Variants in LIFR observed in about 807,000 individuals in gnomAD.
The protein encoded by LIFR is LIF receptor subunit alpha, also known as leukemia inhibitory factor receptor.
In LIFR, 84 loss-of-function variants were observed where a neutral mutation model predicts 122.2. The ratio of observed to expected loss-of-function variants is 0.69; its 90% CI spans 0.58 to 0.82. The LOEUF (loss-of-function observed/expected upper bound fraction) is 0.82, where lower values mean the gene tolerates loss of function less well. LIFR is among the 40% of genes least tolerant of loss of function. The probability of loss-of-function intolerance (pLI) is 0.00; values close to 1 mark genes in which losing one functional copy is unlikely to be tolerated. For missense variants in LIFR, 1,294 were observed against 1,311.6 expected (o/e 0.99, Z 0.21); for synonymous variants, 422 against 434.7 (o/e 0.97, Z 0.36).
rs2112472053 is a variant in LIFR at position 38,506,084 on chromosome 5, A to G, written c.1122-10T>C. 6.4e-7 allele frequency: 1 copy of G among 1,563,300 alleles called. No individual in the cohort carries two copies. The highest frequency in any genetic ancestry group is 2.2e-5 in the East Asian group (1 of 44,460). Reference sequence around the variant, plus strand: ...ATATTTTCCTGAAAAACTGTTAATTAACAGAAAAATAATTTCAAAATGGCA... The same window carrying G: ...ATATTTTCCTGAAAAACTGTTAATTGACAGAAAAATAATTTCAAAATGGCA... On this transcript the variant is annotated splice_polypyrimidine_tract_variant and intron_variant, in intron 8 of 19. Transcript: ENST00000453190.
At chr5:38,532,338 T>C (rs1240263772) in intron 1 of LIFR, among the ~76,000 whole-genome samples, 1 of 152,152 alleles carries the variant, frequency 6.6e-6, no homozygotes, top group Non-Finnish European at 1.5e-5. Flanking sequence ...TGGCTGAGGG[T>C]AAATCACTTA....
In LIFR at chr5:38,504,361, G is replaced by A. The variant is rs547576576; in HGVS notation, c.1292-240C>T. 2.2e-5 allele frequency among the ~76,000 whole-genome samples: 3 copies of A among 134,796 alleles called. No homozygotes were observed. The East Asian group carries it at 6.8e-4, about 31-fold the overall frequency. 88.4% of individuals were successfully genotyped at this position (134,796 alleles called of 152,430 possible). A position where few individuals can be genotyped will look rare whatever the true frequency, so the allele number is the denominator to read the frequency against. Reference sequence around the variant, plus strand: ...TTAGTGTCAGGAATACTCAAAGGTAGTTAAGATCACAGTATCTACCTTTAA... The same window carrying A: ...TTAGTGTCAGGAATACTCAAAGGTAATTAAGATCACAGTATCTACCTTTAA... On this transcript the variant is annotated intron_variant, in intron 9 of 19. Coordinates refer to ENST00000453190, the MANE Select transcript of LIFR (RefSeq NM_001127671.2).
Position 38,505,981 on chromosome 5 carries a change from T to C in LIFR, c.1215A>G (p.Ile405Met), listed in dbSNP as rs1745455298. The change falls in exon 9 of 20, where the codon ATA (isoleucine) becomes ATG (methionine). Residue 405 changes from isoleucine (I) to methionine (M), a missense_variant. By Grantham distance (10) the Ile-to-Met change is conservative (BLOSUM62 1). Coordinates refer to ENST00000453190, the MANE Select transcript of LIFR (RefSeq NM_001127671.2). The stretch of plus-strand genomic sequence containing the variant: ...TGTGAGCATTCAAAGTAAAATTATA[T>C]ATTTCTTGATTTGGAAGCATTTGAA... ...LLFQMLPNQE[I>M]YNFTLNAHNP... 1 of 1,609,460 alleles carries C rather than the reference T, an allele frequency of 6.2e-7. No individual in the cohort carries two copies. The highest frequency in any genetic ancestry group is 8.5e-7 in the Non-Finnish European group (1 of 1,176,706).
rs1745752434 is a variant in LIFR, at chr5:38,510,674, T to G, written c.781A>C (p.Ile261Leu). 3 of 1,613,480 alleles carry G rather than the reference T, an allele frequency of 1.9e-6. No homozygotes were observed. The highest frequency in any genetic ancestry group is 8.5e-7 in the Non-Finnish European group (1 of 1,179,618). ...AATGTTATGTCTGAGCCTACAAGTATCACTTTATCTTGAGGAAAAACCTTA... is the reference window on the plus strand; with the variant it reads ...AATGTTATGTCTGAGCCTACAAGTAGCACTTTATCTTGAGGAAAAACCTTA... ...QTKVFPQDKV[I>L]LVGSDITFCC... Residue 261 changes from isoleucine to leucine, a missense_variant, in exon 7 of 20, where the codon ATA becomes CTA. Ile to Leu is a conservative substitution (Grantham distance 5, BLOSUM62 2). Transcript: ENST00000453190.
At chr5:38,499,681 A>C (rs918880974) in intron 11 of LIFR, 98 bp from the exon 12 acceptor site, 13 of 858,324 alleles carry the variant, frequency 1.5e-5, no homozygotes, top group Non-Finnish European at 2.4e-5. Flanking sequence ...TCTCAATAAA[A>C]CGTGAAGCAG....
intron 1 of LIFR, among the ~76,000 whole-genome samples, chr5:38,553,964 T>C (rs1419854333): frequency 6.6e-6 from 1 of 152,008 alleles, no homozygotes; most frequent in Non-Finnish European, 1.5e-5. Context: ...GTAAAATCTG[T>C]AACCATATTA....
At chr5:38,496,992 C>T (rs935675803) in intron 12 of LIFR, among the ~76,000 whole-genome samples, 5 of 151,616 alleles carry the variant, frequency 3.3e-5, no homozygotes, top group African/African-American at 1.2e-4. Context: ...CAAAAAACAA[C>T]CAGTTACAAG....
rs1482559118 is a variant in LIFR, at chr5:38,506,016, G to T, written c.1180C>A (p.Gln394Lys). Residue 394 changes from glutamine (Q) to lysine (K), a missense_variant, in exon 9 of 20, where the codon CAA becomes AAA. Gln to Lys is a moderately conservative substitution (Grantham distance 53). Transcript: ENST00000453190. ...TTTGGAAGCATTTGAAATAATAATT[G>T]ATAGCTTTCGTTTGTAGGTGCTTCA... is the stretch of plus-strand genomic sequence containing the variant. ...RAEAPTNESY[Q>K]LLFQMLPNQE... 1.6e-5 allele frequency: 25 copies of T among 1,607,108 alleles called. No individual in the cohort carries two copies. Among genetic ancestry groups the T allele is most frequent in the African/African-American group, 2.7e-5 (2 of 74,756 alleles).
intron 5 of LIFR, among the ~76,000 whole-genome samples, chr5:38,518,084 AGCCAAGTT>A (rs1315941986): frequency 6.6e-6 from 1 of 151,780 alleles, no homozygotes; most frequent in East Asian, 1.9e-4. Context: ...ACTGTACTCC[AGCCAAGTT>A]GACAGAGCAG....
intron 19 of LIFR, 105 bp from the exon 20 acceptor site, chr5:38,482,323 G>A (rs1448326037): frequency 1.9e-6 from 2 of 1,065,214 alleles, no homozygotes; most frequent in Non-Finnish European, 1.3e-6. Context: ...TTGTAAACAG[G>A]TGTCTCTACT....
chr5:38,476,224 CT>C lies in LIFR; in HGVS notation c.*5370del, dbSNP rs1743714955. On this transcript the variant is annotated 3_prime_UTR_variant, in exon 20 of 20. Coordinates refer to ENST00000453190, the MANE Select transcript of LIFR (RefSeq NM_001127671.2). ...TGTATGAAAACCATTATTCAGTGTT[CT>C]TTTCTATGAGCAATTGCAAAAACAC... is the stretch of plus-strand genomic sequence containing the variant. 1 of 207,286 alleles carries C rather than the reference CT, an allele frequency of 4.8e-6. No individual in the cohort carries two copies. The highest frequency in any genetic ancestry group is 2.3e-5 in the African/African-American group (1 of 43,902). 12.8% of individuals were successfully genotyped at this position (207,286 alleles called of 1,614,324 possible).
intron 18 of LIFR, among the ~76,000 whole-genome samples, chr5:38,483,315 AG>A (rs1744097924): frequency 1.3e-5 from 2 of 152,260 alleles, no homozygotes; most frequent in Non-Finnish European, 2.9e-5. Context: ...AAATTCCTAC[AG>A]AAAAAATAAC....
At chr5:38,589,994 C>A (rs1749871917) in intron 1 of LIFR, among the ~76,000 whole-genome samples, 1 of 152,120 alleles carries the variant, frequency 6.6e-6, no homozygotes. Flanking sequence ...ACACGGATCC[C>A]ATTTTGATTA....
Position 38,481,549 on chromosome 5 carries a change from G to C in LIFR, c.*46C>G. 6.2e-7 allele frequency: 1 copy of C among 1,605,218 alleles called. No individual in the cohort carries two copies. Among genetic ancestry groups the C allele is most frequent in the Non-Finnish European group, 8.5e-7 (1 of 1,172,036 alleles). ...CAGTGCTGATGTAGCAACACTAGCAGTAAGAGCTTATTGAGATGGCTGACT... is the reference window on the plus strand; with the variant it reads ...CAGTGCTGATGTAGCAACACTAGCACTAAGAGCTTATTGAGATGGCTGACT... On this transcript the variant is annotated 3_prime_UTR_variant, in exon 20 of 20. Transcript: ENST00000453190.
rs1376330890 is a variant in LIFR at position 38,550,041 on chromosome 5, T to C, written c.-20+6293A>G. ...TGCTAAAGACTGGTCACTGTACACA[T>C]ACTTTATCGTTTCTCCTTTGTTTAC... On this transcript the variant is annotated intron_variant, in intron 1 of 19. Transcript: ENST00000453190. 2.0e-5 allele frequency: 3 copies of C among 152,554 alleles called. No homozygotes were observed. In the East Asian group the frequency reaches 5.8e-4, roughly 29 times the overall value. 9.5% of individuals were successfully genotyped at this position (152,554 alleles called of 1,614,324 possible).
intron 17 of LIFR, chr5:38,485,500 C>A: frequency 2.7e-6 from 1 of 371,306 alleles, no homozygotes; most frequent in South Asian, 2.9e-5. Context: ...TGTTAGAAAT[C>A]ACATAACAGC....
intron 1 of LIFR, among the ~76,000 whole-genome samples, chr5:38,573,409 G>A (rs1000678003): frequency 6.6e-6 from 1 of 152,202 alleles, no homozygotes; most frequent in African/African-American, 2.4e-5. Context: ...AGGAGTGAAT[G>A]AGAAAACATA....
chr5:38,496,426 C>T lies in LIFR; in HGVS notation c.1841G>A (p.Gly614Asp). Residue 614 changes from glycine (G) to aspartate (D), a missense_variant, in exon 13 of 20, where the codon GGC becomes GAC. Gly to Asp is a moderately conservative substitution (Grantham distance 94, BLOSUM62 -1). Transcript: ENST00000453190. ...IISVVAKNSV[G>D]SSPPSKIASM... ...CGCTATTTTGGAAGGTGGTGATGAG[C>T]CCACAGAATTTTTAGCCACTACGCT... is the stretch of plus-strand genomic sequence containing the variant. The T allele has an allele frequency of 1.2e-6, 2 of 1,614,106 alleles. No homozygotes were observed. The highest frequency in any genetic ancestry group is 1.1e-5 in the South Asian group (1 of 91,088).
At chr5:38,607,066 C>T (rs1750344477) in intron 1 of LIFR, among the ~76,000 whole-genome samples, 1 of 152,188 alleles carries the variant, frequency 6.6e-6, no homozygotes, top group African/African-American at 2.4e-5. Context: ...CAAAAATCAT[C>T]TGTTCATTTG....
Sources: allele counts gnomAD v4.1 joint callset (sites outside exome capture counted in the v4.1 genomes callset), GRCh38; gene constraint gnomAD v4.1.1; transcripts MANE v1.5; gene names NCBI Gene and HGNC (gene_info 2026-07-23, HGNC 2026-07-21).